The following M1AP variants were observed in gnomAD, a reference collection of about 807,000 sequenced individuals.
M1AP encodes the protein meiosis 1 associated protein.
M1AP carries 39 observed loss-of-function variants against 51.2 expected under a neutral mutation model. That is an observed-to-expected ratio of 0.76 (90% CI 0.59 to 1.00). M1AP has a LOEUF of 1.00. Ranked by LOEUF, M1AP falls within the 50% of genes least tolerant of loss-of-function variation. The probability of loss-of-function intolerance (pLI) is 0.00; values close to 1 mark genes in which losing one functional copy is unlikely to be tolerated. For missense variants in M1AP, 545 were observed against 641.2 expected, an observed-to-expected ratio of 0.85 and a Z score of 1.62; for synonymous variants, 251 against 249.2, an observed-to-expected ratio of 1.01 and a Z score of -0.07.
chr2:74,619,026 ATCGGCAGG>A, intron 2 of M1AP: 1 of 509,180 alleles, frequency 2.0e-6, no homozygotes, highest in Admixed American at 2.1e-5. Context: ...TCTGTACTTC[ATCGGCAGG>A]AAAAAGGTAA....
intron 4 of M1AP, among the ~76,000 whole-genome samples, chr2:74,592,662 T>C (rs1680115675): frequency 6.6e-6 from 1 of 152,222 alleles, no homozygotes; most frequent in Admixed American, 6.5e-5. Flanking sequence ...TTTCATATAG[T>C]TAAATAAATA....
intron 2 of M1AP, among the ~76,000 whole-genome samples, chr2:74,632,984 T>C (rs913269011): frequency 6.6e-6 from 1 of 152,208 alleles, no homozygotes; most frequent in African/African-American, 2.4e-5. Context: ...AAACCTCTTA[T>C]ACTGGATATC....
Position 74,557,996 on chromosome 2 carries a change from A to T in M1AP, c.*720T>A, listed in dbSNP as rs528723614. On this transcript the variant is annotated 3_prime_UTR_variant, in exon 11 of 11. Coordinates refer to ENST00000421985, the MANE Select transcript of M1AP (RefSeq NM_001321739.2). ...AGTGATCATCCCACCTCAGCCTCTC[A>T]AAGTGTTGGGATTACAGGTGTGAGC... 3 of 152,176 alleles carry T rather than the reference A, an allele frequency of 2.0e-5. No individual in the cohort carries two copies. The highest frequency in any genetic ancestry group is 7.2e-5 in the African/African-American group (3 of 41,446). 9.4% of individuals were successfully genotyped at this position (152,176 alleles called of 1,614,324 possible).
At chr2:74,559,482 G>C (rs149082348) in intron 10 of M1AP, among the ~76,000 whole-genome samples, 1 of 152,172 alleles carries the variant, frequency 6.6e-6, no homozygotes, top group South Asian at 2.1e-4. Flanking sequence ...TTTTCTAAAG[G>C]CTGTGTTACT....
At chr2:74,610,726 G>A (rs544447529) in intron 3 of M1AP, among the ~76,000 whole-genome samples, 51 of 152,346 alleles carry the variant, frequency 3.3e-4, no homozygotes, top group African/African-American at 1.2e-3. Flanking sequence ...GGGATTACAG[G>A]CGTGAGCTAC....
chr2:74,595,299 G>A (rs1680264986), intron 4 of M1AP, among the ~76,000 whole-genome samples: 1 of 151,622 alleles, frequency 6.6e-6, no homozygotes, highest in African/African-American at 2.4e-5. Flanking sequence ...ACAGGTATAA[G>A]CCACCATGGC....
chr2:74,582,345 G>C (rs1679458333), intron 4 of M1AP, among the ~76,000 whole-genome samples: 1 of 152,174 alleles, frequency 6.6e-6, no homozygotes, highest in African/African-American at 2.4e-5. Flanking sequence ...GTTTGGTATA[G>C]CATTGCTGTA....
chr2:74,619,040 GGTAAA>G (rs1466718882), intron 2 of M1AP: 1 of 486,014 alleles, frequency 2.1e-6, no homozygotes, highest in African/African-American at 2.0e-5. Context: ...GCAGGAAAAA[GGTAAA>G]GTAATTGATT....
chr2:74,615,255 C>T, intron 2 of M1AP, 106 bp from the exon 3 acceptor site: 1 of 1,028,310 alleles, frequency 9.7e-7, no homozygotes, highest in Non-Finnish European at 1.4e-6. Context: ...TCCTTCCCTT[C>T]CTGAAAATTT....
chr2:74,584,044 C>T (rs1252826741), intron 4 of M1AP, among the ~76,000 whole-genome samples: 2 of 152,014 alleles, frequency 1.3e-5, no homozygotes, highest in African/African-American at 4.8e-5. Context: ...ACCATTTTTC[C>T]CCAAACTCTC....
chr2:74,581,799 T>C lies in M1AP; in HGVS notation c.644A>G (p.Asp215Gly), dbSNP rs762190703. 26 of 1,613,904 alleles carry C rather than the reference T, an allele frequency of 1.6e-5. No homozygotes were observed. Among genetic ancestry groups the C allele is most frequent in the Non-Finnish European group, 2.0e-5 (24 of 1,179,890 alleles). Residue 215 changes from aspartate (D) to glycine (G), a missense_variant, in exon 5 of 11, where the codon GAT (aspartate) becomes GGT (glycine). By Grantham distance (94) the Asp-to-Gly change is moderately conservative. Transcript: ENST00000421985. ...TDIDLQTIDN[D>G]IVSMEIFFKA... is the part of the protein sequence containing the mutation. ...GAAGAAAATCTCCATGCTGACGATATCATTGTCTATAGTCTGAAGGTCAAT... is the reference window on the plus strand; with the variant it reads ...GAAGAAAATCTCCATGCTGACGATACCATTGTCTATAGTCTGAAGGTCAAT...
intron 4 of M1AP, among the ~76,000 whole-genome samples, chr2:74,582,854 C>G (rs1249371437): frequency 6.6e-6 from 1 of 151,958 alleles, no homozygotes; most frequent in African/African-American, 2.4e-5. Flanking sequence ...AATCCTGTCT[C>G]TACTAAAAAT....
At chr2:74,565,472 G>A (rs1224438414) in intron 7 of M1AP, among the ~76,000 whole-genome samples, 1 of 152,106 alleles carries the variant, frequency 6.6e-6, no homozygotes, top group Non-Finnish European at 1.5e-5. Context: ...ATCAACTGAT[G>A]TAATATACTA....
chr2:74,613,615 A>C (rs1472540433), intron 3 of M1AP, among the ~76,000 whole-genome samples: 2 of 151,916 alleles, frequency 1.3e-5, no homozygotes, highest in African/African-American at 2.4e-5. Flanking sequence ...GGTCATTTAG[A>C]CTCTGATAAA....
intron 7 of M1AP, among the ~76,000 whole-genome samples, chr2:74,574,335 C>G (rs10210396): frequency 0.081 from 12,280 of 152,168 alleles, 1,390 homozygotes; most frequent in African/African-American, 0.25. Flanking sequence ...TTTGATACTT[C>G]CTCTTTCTCA....
chr2:74,644,890 C>A (rs770574758), intron 1 of M1AP, among the ~76,000 whole-genome samples: 4 of 152,096 alleles, frequency 2.6e-5, no homozygotes, highest in Admixed American at 2.0e-4. Flanking sequence ...TAGTCAGAGG[C>A]CTTATTTAAT....
intron 4 of M1AP, among the ~76,000 whole-genome samples, chr2:74,592,177 A>T (rs913340969): frequency 5.9e-5 from 9 of 152,092 alleles, no homozygotes; most frequent in Non-Finnish European, 5.9e-5. Flanking sequence ...ATATACATGC[A>T]TTTTTGTAGA....
chr2:74,606,547 G>A (rs1046858678), intron 4 of M1AP, among the ~76,000 whole-genome samples: 1 of 151,932 alleles, frequency 6.6e-6, no homozygotes, highest in African/African-American at 2.4e-5. Flanking sequence ...GTGTATATAT[G>A]TATCTATAAA....
rs202000411 is a variant in M1AP, at chr2:74,588,362, CA to C, written c.596-6516del. On this transcript the variant is annotated intron_variant, in intron 4 of 10. Coordinates refer to ENST00000421985, the MANE Select transcript of M1AP (RefSeq NM_001321739.2). Reference sequence around the variant, plus strand: ...AACCACTACAGAGACTATAGAGTCACAGTATCTTAGCCTGCCTGGGTTGGTT... The same window carrying C: ...AACCACTACAGAGACTATAGAGTCACGTATCTTAGCCTGCCTGGGTTGGTT... Among the ~76,000 whole-genome samples, 723 of 152,322 alleles carry C rather than the reference CA, an allele frequency of 4.7e-3. 7 individuals carry two copies. The highest frequency in any genetic ancestry group is 0.017 in the African/African-American group (694 of 41,570).
Sources: gnomAD v4.1 joint callset for allele counts (sites outside exome capture counted in the v4.1 genomes callset) on GRCh38, gnomAD v4.1.1 for gene constraint, MANE v1.5 for transcripts, NCBI Gene and HGNC (gene_info 2026-07-23, HGNC 2026-07-21) for gene names.